PRKCB: variants seen among roughly 807,000 people sequenced by gnomAD.
The protein encoded by PRKCB is protein kinase C beta type.
In PRKCB, 13 loss-of-function variants were observed where a neutral mutation model predicts 81.5. That is an observed-to-expected ratio of 0.16 (90% CI 0.10 to 0.25). The LOEUF (loss-of-function observed/expected upper bound fraction) is 0.25, where lower values mean the gene tolerates loss of function less well. Ranked by LOEUF, PRKCB falls within the 10% of genes least tolerant of loss-of-function variation. The probability of loss-of-function intolerance (pLI) is 1.00; values close to 1 mark genes in which losing one functional copy is unlikely to be tolerated. For synonymous variants in PRKCB, 335 were observed against 321.4 expected, an observed-to-expected ratio of 1.04 and a Z score of -0.45; for missense variants, 509 against 875.7, an observed-to-expected ratio of 0.58 and a Z score of 5.29.
At chr16:23,893,861 G>C (rs1394491857) in intron 2 of PRKCB, 1 of 152,166 alleles carries the variant, frequency 6.6e-6, no homozygotes, top group South Asian at 2.1e-4. Flanking sequence ...TAATATAGTT[G>C]TATATTTATC....
chr16:23,992,294 T>C (rs530307648), intron 3 of PRKCB, among the ~76,000 whole-genome samples: 1 of 152,256 alleles, frequency 6.6e-6, no homozygotes, highest in South Asian at 2.1e-4. Flanking sequence ...AGGAACAAAA[T>C]TTTAAGGATG....
chr16:23,878,282 C>T (rs1019437757), intron 2 of PRKCB, among the ~76,000 whole-genome samples: 1 of 152,112 alleles, frequency 6.6e-6, no homozygotes, highest in Non-Finnish European at 1.5e-5. Context: ...CTGATCAACC[C>T]GTAAGCTTAT....
chr16:23,858,279 C>T (rs539449187), intron 2 of PRKCB, among the ~76,000 whole-genome samples: 9 of 150,542 alleles, frequency 6.0e-5, no homozygotes, highest in African/African-American at 1.7e-4. Context: ...AACTGCAGAG[C>T]GTAGATTGAA....
At chr16:24,165,717 A>G (rs1361488403) in intron 10 of PRKCB, among the ~76,000 whole-genome samples, 1 of 152,166 alleles carries the variant, frequency 6.6e-6, no homozygotes, top group Non-Finnish European at 1.5e-5. Context: ...TCTTTTCTAC[A>G]GAGAGGATGA....
intron 2 of PRKCB, among the ~76,000 whole-genome samples, chr16:23,928,961 C>G (rs926206289): frequency 1.3e-5 from 2 of 152,090 alleles, no homozygotes; most frequent in Admixed American, 6.6e-5. Context: ...TCGTGATCCG[C>G]CCGCCTCGGC....
chr16:24,074,134 C>CAA (rs879766378), intron 5 of PRKCB, among the ~76,000 whole-genome samples: 1 of 130,490 alleles, frequency 7.7e-6, no homozygotes, highest in Non-Finnish European at 1.7e-5. Context: ...GACTCCATCT[C>CAA]AAAAAAAAAA....
At chr16:23,868,237 GC>G (rs1286668405) in intron 2 of PRKCB, among the ~76,000 whole-genome samples, 2 of 152,158 alleles carry the variant, frequency 1.3e-5, no homozygotes, top group African/African-American at 4.8e-5. Flanking sequence ...GCAAGGTCAG[GC>G]CATCCCTGTG....
chr16:23,884,563 T>A (rs9944348), intron 2 of PRKCB, among the ~76,000 whole-genome samples: 6 of 152,138 alleles, frequency 3.9e-5, no homozygotes, highest in African/African-American at 1.4e-4. Flanking sequence ...GAGTCAGGGT[T>A]TCACTCTGTC....
chr16:24,070,295 T>C (rs564516582), intron 5 of PRKCB, among the ~76,000 whole-genome samples: 23 of 152,186 alleles, frequency 1.5e-4, no homozygotes, highest in African/African-American at 5.5e-4. Context: ...ATTACAGGCA[T>C]GTGCCATCAC....
At chr16:23,836,400 G>C in intron 1 of PRKCB, 52 bp downstream of exon 1, 3 of 1,580,916 alleles carry the variant, frequency 1.9e-6, no homozygotes, top group Non-Finnish European at 2.6e-6. Context: ...GCAGCGCCGC[G>C]CCAGGGACCC....
At position 24,011,426 on chromosome 16, in the gene PRKCB, G is replaced by A. The variant is rs113312142; in HGVS notation, c.289-20710G>A. ...GTTTGTGGCCTTGCAAGTTAATAAA[G>A]AGTGTGGACTTTGGAACTAGCCTGC... On this transcript the variant is annotated intron_variant, in intron 3 of 16. Transcript: ENST00000643927. Among the ~76,000 whole-genome samples the A allele has an allele frequency of 2.5e-3, 386 of 152,288 alleles. 3 individuals carry two copies. Among genetic ancestry groups the A allele is most frequent in the Non-Finnish European group, 2.5e-3 (168 of 68,008 alleles).
intron 13 of PRKCB, among the ~76,000 whole-genome samples, chr16:24,181,723 A>G (rs1236563803): frequency 7.2e-6 from 1 of 138,260 alleles, no homozygotes; most frequent in East Asian, 2.3e-4. Context: ...AGCCGTGATT[A>G]TGCCACTGCA....
chr16:23,934,206 A>G (rs777601678), intron 2 of PRKCB, among the ~76,000 whole-genome samples: 1 of 145,130 alleles, frequency 6.9e-6, no homozygotes, highest in Non-Finnish European at 1.5e-5. Context: ...TTAGATAGCT[A>G]TGGTGAGGAG....
At chr16:24,042,131 T>G (rs1172785545) in intron 5 of PRKCB, among the ~76,000 whole-genome samples, 2 of 152,142 alleles carry the variant, frequency 1.3e-5, no homozygotes, top group Non-Finnish European at 2.9e-5. Flanking sequence ...TAGGTAAACT[T>G]GTGTCATGGG....
At position 23,966,883 on chromosome 16, in the gene PRKCB, G is replaced by A. The variant is rs186273518; in HGVS notation, c.206-21625G>A. Among the ~76,000 whole-genome samples, 202 of 152,290 alleles carry A rather than the reference G, an allele frequency of 1.3e-3. 1 individual carries two copies. The highest frequency in any genetic ancestry group is 4.6e-3 in the African/African-American group (192 of 41,548). ...ATGTTGTAGTGGACTAAGCTCTGAT[G>A]ACTCTGTTGCTGCATGAGAATGTGG... is the stretch of plus-strand genomic sequence containing the variant. On this transcript the variant is annotated intron_variant, in intron 2 of 16. Transcript: ENST00000643927.
chr16:23,860,866 A>G (rs1278120160), intron 2 of PRKCB, among the ~76,000 whole-genome samples: 1 of 152,184 alleles, frequency 6.6e-6, no homozygotes, highest in Non-Finnish European at 1.5e-5. Context: ...AGATCGCGCT[A>G]CTGTACTCTA....
At chr16:24,107,906 ACAGT>A (rs1208958006) in intron 7 of PRKCB, among the ~76,000 whole-genome samples, 2 of 152,204 alleles carry the variant, frequency 1.3e-5, no homozygotes, top group African/African-American at 4.8e-5. Context: ...TAGATGGTTC[ACAGT>A]CAGGGCATAA....
intron 8 of PRKCB, among the ~76,000 whole-genome samples, chr16:24,119,888 A>G (rs1220320220): frequency 6.6e-6 from 1 of 152,150 alleles, no homozygotes; most frequent in Non-Finnish European, 1.5e-5. Flanking sequence ...ACCTCAACAT[A>G]TCTTACTGCA....
intron 2 of PRKCB, among the ~76,000 whole-genome samples, chr16:23,875,854 A>G (rs1963005765): frequency 6.6e-6 from 1 of 151,988 alleles, no homozygotes; most frequent in Non-Finnish European, 1.5e-5. Context: ...AGGATATTTC[A>G]TAACGAAATA....
Sources: allele counts gnomAD v4.1 joint callset (sites outside exome capture counted in the v4.1 genomes callset), GRCh38; gene constraint gnomAD v4.1.1; transcripts MANE v1.5; gene names NCBI Gene and HGNC (gene_info 2026-07-23, HGNC 2026-07-21).